Variants in HOMER2 observed in about 807,000 individuals in gnomAD.
The protein encoded by HOMER2 is homer protein homolog 2.
HOMER2 carries 27 observed loss-of-function variants against 47.0 expected under a neutral mutation model. The observed-to-expected ratio is 0.57, with a 90% CI of 0.42 to 0.79. The LOEUF (loss-of-function observed/expected upper bound fraction) is 0.79, where lower values mean the gene tolerates loss of function less well. Among genes scored for constraint, HOMER2 ranks in the 30% least tolerant of loss-of-function variants. HOMER2 has a pLI of 0.00. For missense variants in HOMER2, 443 were observed against 435.0 expected, an observed-to-expected ratio of 1.02 and a Z score of -0.16; for synonymous variants, 161 against 163.8, an observed-to-expected ratio of 0.98 and a Z score of 0.13.
At chr15:82,978,266 C>G (rs1318972170) in intron 1 of HOMER2, among the ~76,000 whole-genome samples, 1 of 152,224 alleles carries the variant, frequency 6.6e-6, no homozygotes, top group Non-Finnish European at 1.5e-5. Context: ...ATGTGAAAGA[C>G]ATGGCCTTAC....
rs2053503741 is a variant in HOMER2 at position 82,913,573 on chromosome 15, T to TATCA, written c.6-20736_6-20733dup. Among the ~76,000 whole-genome samples, 1 of 152,194 alleles carries TATCA rather than the reference T, an allele frequency of 6.6e-6. No homozygotes were observed. The highest frequency in any genetic ancestry group is 1.5e-5 in the Non-Finnish European group (1 of 68,022). ...TAATTTCATCCCAACAGCAGCACTC[T>TATCA]ATCAGGCCATCTTCCTGAAAGCAAC... is the stretch of plus-strand genomic sequence containing the variant. On this transcript the variant is annotated intron_variant, in intron 1 of 8. Coordinates refer to ENST00000450735, the MANE Select transcript of HOMER2 (RefSeq NM_004839.4). This position sits in a 1 kb window ranked among gnomAD's most constrained non-coding sequence, Gnocchi z 4.1.
chr15:82,847,061 T>C (rs1333374650), downstream of HOMER2: 2 of 152,134 alleles, frequency 1.3e-5, no homozygotes, highest in Non-Finnish European at 2.9e-5. Flanking sequence ...AAACTGAAAA[T>C]GCAGTCCTGG....
chr15:82,912,358 GCTTTT>G (rs1356655668), intron 1 of HOMER2, among the ~76,000 whole-genome samples: 1 of 152,052 alleles, frequency 6.6e-6, no homozygotes, highest in Admixed American at 6.6e-5. Flanking sequence ...TTTATATCTA[GCTTTT>G]CTTTTCAGTG....
At chr15:82,882,388 G>T (rs1002077325) in intron 2 of HOMER2, among the ~76,000 whole-genome samples, 2 of 152,180 alleles carry the variant, frequency 1.3e-5, no homozygotes, top group Admixed American at 6.5e-5. Context: ...CCAAAGATGA[G>T]CCAGGCATGG....
rs1039648762 is a variant in HOMER2 at position 82,842,217 on chromosome 15, T to C, written c.*5057A>G. On this transcript the variant is annotated 3_prime_UTR_variant, in exon 2 of 2. Transcript: ENST00000558090. ...AGGTTAAATATTATAAAGATGTTAG[T>C]CCTCTTGTGTAAAATATGTAAATTT... The C allele has an allele frequency of 2.0e-5, 3 of 152,184 alleles. No individual in the cohort carries two copies. In the South Asian group the frequency reaches 6.2e-4, roughly 31 times the overall value. The allele number at this position is 152,184 out of a possible 1,614,324, so 9.4% of individuals were successfully genotyped here. A position where few individuals can be genotyped will look rare whatever the true frequency, so the allele number is the denominator to read the frequency against.
chr15:82,850,103 T>TC, intron 8 of HOMER2, among the ~76,000 whole-genome samples, 200 bp from the exon 9 acceptor site: 1 of 152,108 alleles, frequency 6.6e-6, no homozygotes, highest in Non-Finnish European at 1.5e-5. Context: ...TTCAGTGACC[T>TC]CCTCCTTTCC....
At chr15:82,902,490 C>G (rs1488319663) in intron 1 of HOMER2, among the ~76,000 whole-genome samples, 1 of 151,770 alleles carries the variant, frequency 6.6e-6, no homozygotes, top group Non-Finnish European at 1.5e-5. Flanking sequence ...GCCACTGTGC[C>G]CAGCCAATAT....
At chr15:82,871,881 C>T (rs756150332) in intron 3 of HOMER2, among the ~76,000 whole-genome samples, 7 of 152,186 alleles carry the variant, frequency 4.6e-5, no homozygotes, top group Admixed American at 1.3e-4. Context: ...TTCATAGAAA[C>T]CTTCCCCCCT....
chr15:82,859,238 G>T, intron 4 of HOMER2, 103 bp from the exon 5 acceptor site: 2 of 1,559,246 alleles, frequency 1.3e-6, no homozygotes, highest in South Asian at 2.3e-5. Context: ...GGCATAATAA[G>T]AAACTTTACG....
At chr15:82,979,886 T>C (rs1461358466) in intron 1 of HOMER2, among the ~76,000 whole-genome samples, 1 of 152,164 alleles carries the variant, frequency 6.6e-6, no homozygotes, top group Non-Finnish European at 1.5e-5. Context: ...GGAGTATTTA[T>C]GAGTCTAGAG....
At chr15:82,940,787 G>A (rs2054248875) in intron 1 of HOMER2, among the ~76,000 whole-genome samples, 2 of 152,044 alleles carry the variant, frequency 1.3e-5, no homozygotes, top group South Asian at 2.1e-4. Context: ...CAGCTACTCA[G>A]GAGGTTGAGG....
chr15:82,869,362 GATTAT>G (rs1486063159), intron 3 of HOMER2, among the ~76,000 whole-genome samples: 4 of 145,884 alleles, frequency 2.7e-5, no homozygotes, highest in Non-Finnish European at 6.0e-5. Context: ...TTTTAAAATA[GATTAT>G]ATATCTCATT....
intron 1 of HOMER2, among the ~76,000 whole-genome samples, chr15:82,909,343 T>G (rs77970865): frequency 0.037 from 5,672 of 152,318 alleles, 148 homozygotes; most frequent in Middle Eastern, 0.11. Flanking sequence ...GTCTTCTTCC[T>G]AACGCAGTTA....
chr15:82,941,553 T>C (rs1230354908), intron 1 of HOMER2, among the ~76,000 whole-genome samples: 2 of 150,840 alleles, frequency 1.3e-5, no homozygotes, highest in South Asian at 4.2e-4. Flanking sequence ...TATAGTGCGC[T>C]CCTGCCACCC....
chr15:82,895,765 C>T (rs987583190), intron 1 of HOMER2, among the ~76,000 whole-genome samples: 3 of 152,104 alleles, frequency 2.0e-5, no homozygotes, highest in African/African-American at 7.2e-5. Context: ...TTTGGGCATG[C>T]TTAGACGGGT....
intron 1 of HOMER2, among the ~76,000 whole-genome samples, chr15:82,896,944 T>A (rs2052942607): frequency 6.6e-6 from 1 of 152,108 alleles, no homozygotes; most frequent in Non-Finnish European, 1.5e-5. Flanking sequence ...CTCTCCACTT[T>A]GAAACTGCAA....
At chr15:82,864,555 G>T (rs141544198) in intron 3 of HOMER2, among the ~76,000 whole-genome samples, 1 of 152,168 alleles carries the variant, frequency 6.6e-6, no homozygotes, top group African/African-American at 2.4e-5. Context: ...AGAAATCCAC[G>T]GAAAACTTCA....
intron 3 of HOMER2, among the ~76,000 whole-genome samples, chr15:82,869,407 A>G (rs1475365966): frequency 3.5e-5 from 5 of 143,670 alleles, no homozygotes. Flanking sequence ...AAACAATATG[A>G]TATTAATACT....
intron 1 of HOMER2, among the ~76,000 whole-genome samples, chr15:82,968,837 C>T (rs191676693): frequency 2.6e-5 from 4 of 152,278 alleles, no homozygotes; most frequent in Admixed American, 2.6e-4. Flanking sequence ...GTTTCAGCTT[C>T]GAGGCTGATC....
Sources: gnomAD v4.1 joint callset for allele counts (sites outside exome capture counted in the v4.1 genomes callset) on GRCh38, gnomAD v4.1.1 for gene constraint, Gnocchi (gnomAD v3.1) non-coding constraint, MANE v1.5 for transcripts, NCBI Gene and HGNC (gene_info 2026-07-23, HGNC 2026-07-21) for gene names.